ZFHX3: variants seen among roughly 807,000 people sequenced by gnomAD.
The protein encoded by ZFHX3 is zinc finger homeobox protein 3.
In ZFHX3, 42 loss-of-function variants were observed where a neutral mutation model predicts 279.1. That is an observed-to-expected ratio of 0.15 (90% CI 0.12 to 0.19). The LOEUF is 0.19. ZFHX3 is among the 10% of genes least tolerant of loss of function. The probability of loss-of-function intolerance (pLI) is 1.00; values close to 1 mark genes in which losing one functional copy is unlikely to be tolerated. For synonymous variants in ZFHX3, 2,293 were observed against 1,957.8 expected (o/e 1.17, Z -4.52); for missense variants, 4,981 against 4,754.0 (o/e 1.05, Z -1.40).
At chr16:72,956,012 C>T (rs1961235634) in intron 2 of ZFHX3, among the ~76,000 whole-genome samples, 1 of 152,196 alleles carries the variant, frequency 6.6e-6, no homozygotes, top group Non-Finnish European at 1.5e-5. Flanking sequence ...CTTGTGCATC[C>T]ACAATTAGCC....
chr16:73,223,501 A>T (rs2012491181), intron 5 of ZFHX3, among the ~76,000 whole-genome samples: 1 of 152,168 alleles, frequency 6.6e-6, no homozygotes, highest in African/African-American at 2.4e-5. Context: ...AGAAAGTGCA[A>T]ATTACACACC....
chr16:72,853,969 A>C (rs981248576), intron 4 of ZFHX3, among the ~76,000 whole-genome samples: 1 of 152,086 alleles, frequency 6.6e-6, no homozygotes, highest in Non-Finnish European at 1.5e-5. Flanking sequence ...AAAAAAGAAA[A>C]GAAAAGAAAA....
At chr16:73,545,525 CA>C (rs1481485690) in intron 2 of ZFHX3, among the ~76,000 whole-genome samples, 1 of 152,052 alleles carries the variant, frequency 6.6e-6, no homozygotes, top group African/African-American at 2.4e-5. Flanking sequence ...GCCATTCATG[CA>C]AAAGGATAAT....
At chr16:73,781,805 A>G (rs1024033884) in intron 1 of ZFHX3, among the ~76,000 whole-genome samples, 7 of 152,070 alleles carry the variant, frequency 4.6e-5, no homozygotes, top group South Asian at 2.1e-4. Context: ...TGACCAACAT[A>G]GTGAAACCCC....
intron 3 of ZFHX3, among the ~76,000 whole-genome samples, chr16:73,414,494 C>A (rs557702455): frequency 6.6e-6 from 1 of 152,230 alleles, no homozygotes; most frequent in Non-Finnish European, 1.5e-5. Flanking sequence ...CCCTGTGATT[C>A]TCCAACTTAT....
At chr16:73,285,849 T>G (rs2014582205) in intron 4 of ZFHX3, among the ~76,000 whole-genome samples, 1 of 152,234 alleles carries the variant, frequency 6.6e-6, no homozygotes, top group African/African-American at 2.4e-5. Flanking sequence ...ATTTTTACAT[T>G]ATTAAAAACA....
intron 1 of ZFHX3, among the ~76,000 whole-genome samples, chr16:73,765,838 A>G (rs146399522): frequency 7.4e-4 from 112 of 152,302 alleles, no homozygotes; most frequent in Non-Finnish European, 1.4e-3. Context: ...ATGTTCTGAA[A>G]CCTGGTTCAT....
rs143633374 is a variant in ZFHX3, at chr16:73,773,132, T to A, written c.-1607-92892A>T. Reference sequence around the variant, plus strand: ...GGAAATAAGACAAACAAAAATCAAATCAAGTTTAAAATTTGGTTCCTGGGT... The same window carrying A: ...GGAAATAAGACAAACAAAAATCAAAACAAGTTTAAAATTTGGTTCCTGGGT... On this transcript the variant is annotated intron_variant, in intron 1 of 17. Coordinates refer to the ZFHX3 transcript ENST00000641206. Among the ~76,000 whole-genome samples the A allele has an allele frequency of 6.4e-3, 972 of 152,286 alleles. 9 individuals are homozygous for A. The highest frequency in any genetic ancestry group is 0.022 in the African/African-American group (915 of 41,548).
intron 1 of ZFHX3, among the ~76,000 whole-genome samples, chr16:73,747,197 T>C (rs1287033780): frequency 6.6e-6 from 1 of 152,082 alleles, no homozygotes; most frequent in Non-Finnish European, 1.5e-5. Flanking sequence ...AAGACCAGCC[T>C]GGACAACACA....
intron 4 of ZFHX3, among the ~76,000 whole-genome samples, chr16:73,278,634 C>T (rs8053739): frequency 0.1 from 15,374 of 152,204 alleles, 1,750 homozygotes; most frequent in African/African-American, 0.28. Context: ...TCCCCACCCA[C>T]GTTCCGTTTT....
chr16:73,291,159 C>T (rs1279140339), intron 4 of ZFHX3, among the ~76,000 whole-genome samples: 1 of 152,164 alleles, frequency 6.6e-6, no homozygotes, highest in African/African-American at 2.4e-5. Context: ...AGAGTTATCC[C>T]ATTCTCCTTC....
At chr16:73,490,397 T>C (rs825844) in intron 2 of ZFHX3, among the ~76,000 whole-genome samples, 34,986 of 152,192 alleles carry the variant, frequency 0.23, 4,555 homozygotes, top group East Asian at 0.62. Context: ...TCATTGTTCA[T>C]GCTACTAAAA....
chr16:73,597,326 C>T (rs1236536468), intron 2 of ZFHX3, among the ~76,000 whole-genome samples: 1 of 152,172 alleles, frequency 6.6e-6, no homozygotes, highest in Non-Finnish European at 1.5e-5. Flanking sequence ...GGCCTCATCA[C>T]TCTGTAGACT....
intron 1 of ZFHX3, among the ~76,000 whole-genome samples, chr16:73,888,351 C>T (rs958123874): frequency 6.6e-6 from 1 of 152,106 alleles, no homozygotes; most frequent in Non-Finnish European, 1.5e-5. Context: ...TACATGCTTG[C>T]GAGGGAATAC....
intron 4 of ZFHX3, among the ~76,000 whole-genome samples, chr16:73,306,680 A>G (rs1054388379): frequency 6.6e-6 from 1 of 152,224 alleles, no homozygotes; most frequent in South Asian, 2.1e-4. Context: ...GGAGATGATG[A>G]CAAGAATCCA....
chr16:73,873,445 C>T (rs2029875279), intron 1 of ZFHX3, among the ~76,000 whole-genome samples: 1 of 150,452 alleles, frequency 6.6e-6, no homozygotes, highest in Non-Finnish European at 1.5e-5. Context: ...TCCTCCCACT[C>T]ATTTTATGTG....
intron 2 of ZFHX3, among the ~76,000 whole-genome samples, chr16:73,598,695 C>T (rs372426360): frequency 9.2e-5 from 14 of 152,216 alleles, no homozygotes; most frequent in South Asian, 8.3e-4. Flanking sequence ...GTTGGGATTA[C>T]AGGCATGAGC....
At chr16:73,543,334 T>C (rs971793869) in intron 2 of ZFHX3, among the ~76,000 whole-genome samples, 2 of 152,218 alleles carry the variant, frequency 1.3e-5, no homozygotes, top group Non-Finnish European at 2.9e-5. Flanking sequence ...TTTCTTCCAG[T>C]ACTCAACTTG....
chr16:73,015,593 T>G (rs887567400), intron 1 of ZFHX3: 5 of 152,152 alleles, frequency 3.3e-5, no homozygotes, highest in Admixed American at 3.3e-4. Flanking sequence ...TTTTATCAAT[T>G]CACAAAAGCC....
Sources: allele counts gnomAD v4.1 joint callset (sites outside exome capture counted in the v4.1 genomes callset), GRCh38; gene constraint gnomAD v4.1.1; transcripts MANE v1.5; gene names NCBI Gene and HGNC (gene_info 2026-07-23, HGNC 2026-07-21).